ZNF354B: variants seen among roughly 807,000 people sequenced by gnomAD.
The protein encoded by ZNF354B is zinc finger protein 354B.
A neutral mutation model predicts 12.9 loss-of-function variants in ZNF354B; 10 were observed. That is an observed-to-expected ratio of 0.77 (90% CI 0.48 to 1.31). The LOEUF (loss-of-function observed/expected upper bound fraction) is 1.31. ZNF354B is among the 40% of genes most tolerant of loss of function. The pLI is 0.00. For synonymous variants in ZNF354B, 260 were observed against 243.7 expected, an observed-to-expected ratio of 1.07 and a Z score of -0.62; for missense variants, 614 against 711.7, an observed-to-expected ratio of 0.86 and a Z score of 1.56.
intron 2 of ZNF354B, among the ~76,000 whole-genome samples, chr5:178,861,985 AC>A (rs1757355467): frequency 2.0e-5 from 3 of 152,214 alleles, no homozygotes; most frequent in Non-Finnish European, 4.4e-5. Flanking sequence ...TTGCTGAGTG[AC>A]ATTATTGTCT....
At chr5:178,861,573 G>A (rs1219246962) in intron 2 of ZNF354B, among the ~76,000 whole-genome samples, 2 of 152,108 alleles carry the variant, frequency 1.3e-5, no homozygotes, top group African/African-American at 4.8e-5. Context: ...ATTGTAGACC[G>A]TTTTCATTTT....
intron 4 of ZNF354B, among the ~76,000 whole-genome samples, chr5:178,877,646 A>T (rs1757657672): frequency 6.6e-6 from 1 of 152,242 alleles, no homozygotes; most frequent in Admixed American, 6.5e-5. Context: ...TTGCAGTCAG[A>T]ACCCAGATCC....
At chr5:178,864,118 T>C (rs1757408493) in intron 2 of ZNF354B, among the ~76,000 whole-genome samples, 1 of 152,210 alleles carries the variant, frequency 6.6e-6, no homozygotes, top group South Asian at 2.1e-4. Flanking sequence ...ATGTCTACAG[T>C]CATGCACAAT....
rs531485016 is a variant in ZNF354B, at chr5:178,875,185, C to T, written c.257-7524C>T. Reference sequence around the variant, plus strand: ...GTGCTGGCTGCACATCTCAGCTTAGCATTGCCAGGCTGCCCACCATAGCTC... The same window carrying T: ...GTGCTGGCTGCACATCTCAGCTTAGTATTGCCAGGCTGCCCACCATAGCTC... On this transcript the variant is annotated intron_variant, in intron 4 of 4. Transcript: ENST00000322434. 2.0e-5 allele frequency among the ~76,000 whole-genome samples: 3 copies of T among 152,316 alleles called. No individual in the cohort carries two copies. The East Asian group carries it at 5.8e-4, about 29-fold the overall frequency.
intron 1 of ZNF354B, chr5:178,860,598 T>G (rs1757330744): frequency 5.4e-6 from 1 of 184,076 alleles, no homozygotes; most frequent in African/African-American, 2.4e-5. Context: ...AGGGAAGTCG[T>G]CCCGGGGCCG....
intron 2 of ZNF354B, among the ~76,000 whole-genome samples, chr5:178,863,576 CTG>C (rs2114006536): frequency 6.6e-6 from 1 of 152,286 alleles, no homozygotes; most frequent in East Asian, 1.9e-4. Context: ...TGATATCTGA[CTG>C]TGTTGCTGGG....
At chr5:178,864,536 A>T (rs1314932014) in intron 2 of ZNF354B, among the ~76,000 whole-genome samples, 1 of 152,228 alleles carries the variant, frequency 6.6e-6, no homozygotes, top group African/African-American at 2.4e-5. Context: ...TACAATAGAA[A>T]ATAAAATCAC....
intron 4 of ZNF354B, among the ~76,000 whole-genome samples, chr5:178,869,505 G>A (rs1757527037): frequency 6.6e-6 from 1 of 152,098 alleles, no homozygotes; most frequent in South Asian, 2.1e-4. Flanking sequence ...GCCATTATGT[G>A]TGGGCCGAAT....
Position 178,866,308 on chromosome 5 carries a change from C to T in ZNF354B, c.98C>T (p.Pro33Leu). The change falls in exon 3 of 5, where the codon CCT becomes CTT. Residue 33 changes from proline to leucine, a missense_variant. Physicochemically the swap from Pro to Leu is moderately conservative, Grantham distance 98 (BLOSUM62 -3). Transcript: ENST00000322434. Reference protein sequence around the residue: ...FTWDEWRKLAPSQRNLYRDVM... With the variant: ...FTWDEWRKLALSQRNLYRDVM... ...TGGGATGAGTGGAGAAAGCTGGCTC[C>T]TTCTCAGAGAAACTTGTACCGGGAT... 1 of 1,614,050 alleles carries T rather than the reference C, an allele frequency of 6.2e-7. No homozygotes were observed. The highest frequency in any genetic ancestry group is 8.5e-7 in the Non-Finnish European group (1 of 1,179,982).
chr5:178,861,543 G>A (rs1757348178), intron 2 of ZNF354B, among the ~76,000 whole-genome samples: 3 of 152,146 alleles, frequency 2.0e-5, no homozygotes, highest in African/African-American at 7.2e-5. Context: ...TTCTTTGCTT[G>A]TATCACTGTC....
In ZNF354B at chr5:178,883,299, G is replaced by T. The variant is rs1369654077; in HGVS notation, c.847G>T (p.Ala283Ser). Residue 283 changes from alanine (A) to serine (S), a missense_variant, in exon 5 of 5, where the codon GCA (alanine) becomes TCA (serine). Physicochemically the swap from Ala to Ser is moderately conservative, Grantham distance 99. Coordinates refer to ENST00000322434, the MANE Select transcript of ZNF354B (RefSeq NM_058230.3). ...KECGKAFSHS[A>S]SLCKHLRTHT... The stretch of plus-strand genomic sequence containing the variant: ...ATGTGGGAAAGCCTTCAGCCATAGT[G>T]CATCCCTTTGTAAGCATTTAAGGAC... 1.2e-6 allele frequency: 2 copies of T among 1,613,528 alleles called. No homozygotes were observed. Among genetic ancestry groups the T allele is most frequent in the Non-Finnish European group, 1.7e-6 (2 of 1,179,848 alleles).
chr5:178,860,227 A>G (rs965029187), intron 1 of ZNF354B, 100 bp downstream of exon 1: 1 of 140,566 alleles, frequency 7.1e-6, no homozygotes, highest in Non-Finnish European at 1.6e-5. Context: ...GCGGGGGGGC[A>G]CCCCCGCGTC....
chr5:178,868,694 C>T (rs111403411), intron 4 of ZNF354B, among the ~76,000 whole-genome samples: 1 of 152,082 alleles, frequency 6.6e-6, no homozygotes, highest in Non-Finnish European at 1.5e-5. Flanking sequence ...TGTTTGTGGC[C>T]GGGCACAGTG....
chr5:178,866,552 A>G (rs1280790780), intron 3 of ZNF354B, among the ~76,000 whole-genome samples, 182 bp downstream of exon 3: 9 of 152,170 alleles, frequency 5.9e-5, no homozygotes, highest in Non-Finnish European at 8.8e-5. Flanking sequence ...GAATTGCTCT[A>G]TGTCTTGGCG....
intron 4 of ZNF354B, among the ~76,000 whole-genome samples, chr5:178,873,856 C>A (rs1178723427): frequency 6.6e-6 from 1 of 151,934 alleles, no homozygotes; most frequent in Non-Finnish European, 1.5e-5. Context: ...GTCTTCCAAT[C>A]TGTGAACATG....
At chr5:178,866,550 C>T (rs941305469) in intron 3 of ZNF354B, among the ~76,000 whole-genome samples, 180 bp downstream of exon 3, 3 of 152,158 alleles carry the variant, frequency 2.0e-5, no homozygotes, top group East Asian at 3.9e-4. Flanking sequence ...TGGAATTGCT[C>T]TATGTCTTGG....
intron 4 of ZNF354B, among the ~76,000 whole-genome samples, chr5:178,867,609 G>A (rs1407385383): frequency 1.4e-4 from 21 of 152,146 alleles, no homozygotes; most frequent in Admixed American, 1.4e-3. Flanking sequence ...GACCTGTGGC[G>A]TGTCCTTACT....
intron 4 of ZNF354B, among the ~76,000 whole-genome samples, chr5:178,874,698 A>G (rs1177378749): frequency 6.6e-6 from 1 of 151,860 alleles, no homozygotes; most frequent in African/African-American, 2.4e-5. Flanking sequence ...AATCTTTATG[A>G]TCTTTGTTCC....
Position 178,883,306 on chromosome 5 carries a change from T to A in ZNF354B, c.854T>A (p.Leu285His). ...CGKAFSHSAS[L>H]CKHLRTHTVE... Reference sequence around the variant, plus strand: ...AAAGCCTTCAGCCATAGTGCATCCCTTTGTAAGCATTTAAGGACCCATACT... The same window carrying A: ...AAAGCCTTCAGCCATAGTGCATCCCATTGTAAGCATTTAAGGACCCATACT... Residue 285 changes from leucine (L) to histidine (H), a missense_variant, in exon 5 of 5, where the codon CTT (leucine) becomes CAT (histidine). Coordinates refer to ENST00000322434, the MANE Select transcript of ZNF354B (RefSeq NM_058230.3). 1 of 1,614,014 alleles carries A rather than the reference T, an allele frequency of 6.2e-7. No homozygotes were observed. The highest frequency in any genetic ancestry group is 8.5e-7 in the Non-Finnish European group (1 of 1,179,948).
Sources: gnomAD v4.1 joint callset for allele counts (sites outside exome capture counted in the v4.1 genomes callset) on GRCh38, gnomAD v4.1.1 for gene constraint, MANE v1.5 for transcripts, NCBI Gene and HGNC (gene_info 2026-07-23, HGNC 2026-07-21) for gene names.